Variants in ZYG11B observed in about 807,000 individuals in gnomAD.
The protein encoded by ZYG11B is zyg-11 family member B, cell cycle regulator.
Under a neutral mutation model 82.4 loss-of-function variants are expected in ZYG11B, and 36 were observed. That is an observed-to-expected ratio of 0.44 (90% CI 0.33 to 0.58). The LOEUF is 0.58. Ranked by LOEUF, ZYG11B falls within the 20% of genes least tolerant of loss-of-function variation. The pLI is 0.02. For synonymous variants in ZYG11B, 303 were observed against 312.8 expected, an observed-to-expected ratio of 0.97 and a Z score of 0.33; for missense variants, 552 against 895.6, an observed-to-expected ratio of 0.62 and a Z score of 4.90.
In ZYG11B at chr1:52,803,442, G is replaced by GA. The variant is rs57750852; in HGVS notation, c.1695+1317dup. 4.9e-4 allele frequency among the ~76,000 whole-genome samples: 59 copies of GA among 119,298 alleles called. 1 individual carries two copies. The highest frequency in any genetic ancestry group is 1.1e-3 in the South Asian group (4 of 3,682). 78.3% of individuals were successfully genotyped at this position (119,298 alleles called of 152,430 possible). A position where few individuals can be genotyped will look rare whatever the true frequency, so the allele number is the denominator to read the frequency against. On this transcript the variant is annotated intron_variant, in intron 10 of 13. Coordinates refer to ENST00000294353, the MANE Select transcript of ZYG11B (RefSeq NM_024646.3). The stretch of plus-strand genomic sequence containing the variant: ...ATAAGAGCGAAACTCCATCTCAAAA[G>GA]AAAAAAAAAAAAAACCACAACACAT...
chr1:52,805,912 ATGT>A (rs1003643253), intron 10 of ZYG11B, among the ~76,000 whole-genome samples: 5 of 152,124 alleles, frequency 3.3e-5, no homozygotes, highest in African/African-American at 4.8e-5. Flanking sequence ...AAAGGAATAC[ATGT>A]TGTTATAACT....
intron 10 of ZYG11B, among the ~76,000 whole-genome samples, chr1:52,809,996 T>A (rs998556827): frequency 6.6e-6 from 1 of 152,164 alleles, no homozygotes; most frequent in Non-Finnish European, 1.5e-5. Context: ...CATTGTGAAT[T>A]TTTACCTTCT....
At chr1:52,797,414 TATATTATAC>T (rs1376056047) in intron 8 of ZYG11B, among the ~76,000 whole-genome samples, 1 of 100,632 alleles carries the variant, frequency 9.9e-6, no homozygotes, top group South Asian at 2.8e-4. Context: ...ATATATATCA[TATATTATAC>T]ATATTATATA....
chr1:52,768,362 T>G (rs1415469131), intron 2 of ZYG11B, among the ~76,000 whole-genome samples: 1 of 152,168 alleles, frequency 6.6e-6, no homozygotes, highest in Non-Finnish European at 1.5e-5. Flanking sequence ...TGCTTTCATC[T>G]CTTCACCTTT....
intron 10 of ZYG11B, 102 bp downstream of exon 10, chr1:52,802,241 C>T: frequency 9.2e-7 from 1 of 1,081,512 alleles, no homozygotes; most frequent in Non-Finnish European, 1.4e-6. Context: ...ATCATAGCCC[C>T]TTATCTAAGG....
intron 1 of ZYG11B, among the ~76,000 whole-genome samples, chr1:52,738,331 A>T (rs914863960): frequency 6.6e-6 from 1 of 151,986 alleles, no homozygotes; most frequent in Non-Finnish European, 1.5e-5. Flanking sequence ...GGTGTTTGAC[A>T]CCATGCCCGG....
chr1:52,775,220 T>G (rs995937187), intron 3 of ZYG11B, among the ~76,000 whole-genome samples: 2 of 152,166 alleles, frequency 1.3e-5, no homozygotes, highest in African/African-American at 2.4e-5. Flanking sequence ...CTCCTAAATT[T>G]GTGTCTTAAC....
rs1644586220 is a variant in ZYG11B, at chr1:52,757,235, A to C, written c.196+612A>C. 2.0e-5 allele frequency among the ~76,000 whole-genome samples: 3 copies of C among 151,458 alleles called. 1 individual carries two copies. Among genetic ancestry groups the C allele is most frequent in the Admixed American group, 2.0e-4 (3 of 15,192 alleles). On this transcript the variant is annotated intron_variant, in intron 2 of 13. Transcript: ENST00000294353. ...ACTCTGTTGCCAAGGCTGGCCTCAA[A>C]CTCCTTTCCTCAAGCAATCTTCCAA...
At chr1:52,790,554 T>C (rs1040129656) in intron 6 of ZYG11B, among the ~76,000 whole-genome samples, 1 of 151,904 alleles carries the variant, frequency 6.6e-6, no homozygotes, top group Non-Finnish European at 1.5e-5. Flanking sequence ...ACCCTGTCTC[T>C]ACTAAAGATA....
At chr1:52,786,280 G>GTAA (rs1422994845) in intron 5 of ZYG11B, among the ~76,000 whole-genome samples, 3 of 152,144 alleles carry the variant, frequency 2.0e-5, no homozygotes, top group African/African-American at 7.2e-5. Context: ...GGAAGTCACT[G>GTAA]TAATGGTTAT....
At chr1:52,811,823 A>G (rs370361547) in intron 10 of ZYG11B, among the ~76,000 whole-genome samples, 10 of 152,116 alleles carry the variant, frequency 6.6e-5, no homozygotes, top group East Asian at 5.8e-4. Context: ...GAGGTCAGGA[A>G]ATTGAGACCA....
chr1:52,757,684 AAACT>A (rs1243069215), intron 2 of ZYG11B, among the ~76,000 whole-genome samples: 10 of 151,756 alleles, frequency 6.6e-5, no homozygotes, highest in Admixed American at 1.3e-4. Context: ...CAAAACAAAC[AAACT>A]AACAATAACA....
Position 52,756,438 on chromosome 1 carries a change from A to G in ZYG11B, c.31-20A>G. The stretch of plus-strand genomic sequence containing the variant: ...TAGTTGGTTTTTGTGTTTCTTTTAT[A>G]TTTTTCCCTGGGCTCCAAGGAGGAG... On this transcript the variant is annotated intron_variant, in intron 1 of 13. Coordinates refer to ENST00000294353, the MANE Select transcript of ZYG11B (RefSeq NM_024646.3). 1 of 1,592,856 alleles carries G rather than the reference A, an allele frequency of 6.3e-7. No homozygotes were observed. Among genetic ancestry groups the G allele is most frequent in the Non-Finnish European group, 8.6e-7 (1 of 1,168,816 alleles).
At chr1:52,803,147 TATATATACAC>T (rs1190582879) in intron 10 of ZYG11B, among the ~76,000 whole-genome samples, 8 of 74,336 alleles carry the variant, frequency 1.1e-4, no homozygotes, top group African/African-American at 4.2e-4. Flanking sequence ...CACATATATA[TATATATACAC>T]ATATATATAT....
rs116312014 is a variant in ZYG11B at position 52,754,692 on chromosome 1, A to G, written c.31-1766A>G. ...CCACCGTGCCCTTTTCACTTTCTTT[A>G]TGGTGATCTTTGAAGCACAAAAGTT... On this transcript the variant is annotated intron_variant, in intron 1 of 13. Coordinates refer to ENST00000294353, the MANE Select transcript of ZYG11B (RefSeq NM_024646.3). Among the ~76,000 whole-genome samples, 1,390 of 152,232 alleles carry G rather than the reference A, an allele frequency of 9.1e-3. 22 individuals carry two copies. The highest frequency in any genetic ancestry group is 0.032 in the African/African-American group (1,341 of 41,536).
At chr1:52,742,234 A>G (rs925498437) in intron 1 of ZYG11B, among the ~76,000 whole-genome samples, 9 of 152,072 alleles carry the variant, frequency 5.9e-5, no homozygotes, top group African/African-American at 2.2e-4. Context: ...AGGCAGGAGG[A>G]TCACTTGAGC....
chr1:52,785,464 T>G (rs1218318097), intron 5 of ZYG11B, among the ~76,000 whole-genome samples: 2 of 152,090 alleles, frequency 1.3e-5, no homozygotes, highest in Non-Finnish European at 2.9e-5. Flanking sequence ...GTTGCTTAAT[T>G]TTTTTGTTTT....
chr1:52,737,533 G>A (rs976894159), intron 1 of ZYG11B, among the ~76,000 whole-genome samples: 3 of 152,074 alleles, frequency 2.0e-5, no homozygotes, highest in Admixed American at 6.6e-5. Context: ...TTGGGAGGCC[G>A]AGGCGGGCGG....
At chr1:52,770,042 G>T (rs1558127532) in intron 2 of ZYG11B, among the ~76,000 whole-genome samples, 1 of 149,528 alleles carries the variant, frequency 6.7e-6, no homozygotes, top group Non-Finnish European at 1.5e-5. Flanking sequence ...TCATCTGCAG[G>T]AGGGGGAGTG....
Sources: allele counts gnomAD v4.1 joint callset (sites outside exome capture counted in the v4.1 genomes callset), GRCh38; gene constraint gnomAD v4.1.1; transcripts MANE v1.5; gene names NCBI Gene and HGNC (gene_info 2026-07-23, HGNC 2026-07-21).